Variants in HAUS6 observed in about 807,000 individuals in gnomAD.
The protein encoded by HAUS6 is HAUS augmin like complex subunit 6.
Under a neutral mutation model 106.8 loss-of-function variants are expected in HAUS6, and 80 were observed. The ratio of observed to expected loss-of-function variants is 0.75; its 90% CI spans 0.63 to 0.90. The LOEUF (loss-of-function observed/expected upper bound fraction) is 0.90, where lower values mean the gene tolerates loss of function less well. HAUS6 is among the 40% of genes least tolerant of loss of function. HAUS6 has a pLI of 0.00. For synonymous variants in HAUS6, 356 were observed against 379.1 expected, an observed-to-expected ratio of 0.94 and a Z score of 0.71; for missense variants, 1,155 against 1,118.1, an observed-to-expected ratio of 1.03 and a Z score of -0.47.
intron 7 of HAUS6, among the ~76,000 whole-genome samples, chr9:19,083,577 C>G (rs1837212838): frequency 6.6e-6 from 1 of 151,848 alleles, no homozygotes; most frequent in Admixed American, 6.6e-5. Context: ...CCGAGGCAAG[C>G]AGATCACGAG....
chr9:19,098,998 C>G (rs1588631268), intron 1 of HAUS6, among the ~76,000 whole-genome samples: 1 of 84,634 alleles, frequency 1.2e-5, no homozygotes, highest in South Asian at 3.8e-4. Context: ...GCCTGGGCAA[C>G]AAGAGCAAAA....
rs935619828 is a variant in HAUS6 at position 19,078,122 on chromosome 9, A to T, written c.1191+54T>A. ...CAACAGAGCAAGACACTGTCTCAAA[A>T]AAAAAAAAAAAGGTGGGTGGCGGGG... is the stretch of plus-strand genomic sequence containing the variant. On this transcript the variant is annotated intron_variant, in intron 10 of 16. Transcript: ENST00000380502. 10 of 1,457,102 alleles carry T rather than the reference A, an allele frequency of 6.9e-6. No individual in the cohort carries two copies. In the African/African-American group the frequency reaches 1.4e-4, roughly 21 times the overall value. 90.3% of individuals were successfully genotyped at this position (1,457,102 alleles called of 1,614,324 possible).
intron 10 of HAUS6, among the ~76,000 whole-genome samples, chr9:19,077,826 C>G (rs557772640): frequency 6.6e-5 from 10 of 151,764 alleles, no homozygotes; most frequent in Non-Finnish European, 1.0e-4. Flanking sequence ...TTGGGGAGGC[C>G]GAGGCAGGAA....
intron 11 of HAUS6, among the ~76,000 whole-genome samples, chr9:19,075,970 A>C (rs11795205): frequency 0.037 from 5,588 of 151,668 alleles, 133 homozygotes; most frequent in Non-Finnish European, 0.054. Flanking sequence ...GAAAAAAAAA[A>C]AAAAAAAAAC....
chr9:19,063,746 G>GT (rs1564008452), intron 12 of HAUS6, 166 bp from the exon 13 acceptor site: 1 of 756,776 alleles, frequency 1.3e-6, no homozygotes, highest in Admixed American at 1.7e-5. Flanking sequence ...ATGGTGACAA[G>GT]TAGAGCAGTA....
intron 11 of HAUS6, among the ~76,000 whole-genome samples, chr9:19,072,614 C>T (rs1749158549): frequency 6.6e-6 from 1 of 151,746 alleles, no homozygotes; most frequent in Non-Finnish European, 1.5e-5. Context: ...GTCTGAAAGA[C>T]AAATAAATGT....
intron 12 of HAUS6, among the ~76,000 whole-genome samples, chr9:19,065,509 C>T (rs1352710208): frequency 8.6e-6 from 1 of 116,278 alleles, no homozygotes; most frequent in African/African-American, 4.5e-5. Flanking sequence ...ATACAGACAG[C>T]CAAAAAAAAA....
intron 5 of HAUS6, among the ~76,000 whole-genome samples, chr9:19,088,430 ATAGTAATACAC>A (rs1205185103): frequency 3.3e-5 from 5 of 152,144 alleles, no homozygotes. Context: ...AAAAAAAAAA[ATAGTAATACAC>A]TATGGCAATA....
At chr9:19,066,430 C>A (rs1384729667) in intron 12 of HAUS6, among the ~76,000 whole-genome samples, 1 of 152,058 alleles carries the variant, frequency 6.6e-6, no homozygotes, top group Non-Finnish European at 1.5e-5. Context: ...GACTAGAATT[C>A]AATTTCTAAC....
chr9:19,055,365 G>A lies in HAUS6; in HGVS notation c.*978C>T, dbSNP rs1836446580. On this transcript the variant is annotated 3_prime_UTR_variant, in exon 17 of 17. Coordinates refer to ENST00000380502, the MANE Select transcript of HAUS6 (RefSeq NM_017645.5). ...AAGTCTTTTTCTAGGCAGGGCACCT[G>A]AAGGAGTGAGGCAGGAGACTGCAAG... 1.3e-5 allele frequency: 2 copies of A among 152,244 alleles called. No homozygotes were observed. The highest frequency in any genetic ancestry group is 4.1e-4 in the South Asian group (2 of 4,824). The allele number at this position is 152,244 out of a possible 1,614,324, so 9.4% of individuals were successfully genotyped here.
chr9:19,093,270 C>T lies in HAUS6; in HGVS notation c.337G>A (p.Gly113Ser), dbSNP rs148540806. 1,969 of 1,606,448 alleles carry T rather than the reference C, an allele frequency of 1.2e-3. 18 individuals are homozygous for T. The African/African-American group carries it at 0.024, about 19-fold the overall frequency. Residue 113 changes from glycine to serine, a missense_variant, in exon 4 of 17, where the codon GGT becomes AGT. Coordinates refer to ENST00000380502, the MANE Select transcript of HAUS6 (RefSeq NM_017645.5). ...ECGSSFPQVV[G>S]SLFLSPGGPK... ...CCACCAGGAGAAAGAAATAGTGAAC[C>T]AACAACTTGAGGAAAGCTACTTCCA...
chr9:19,094,349 T>G lies in HAUS6; in HGVS notation c.271A>C (p.Lys91Gln). Residue 91 changes from lysine (K) to glutamine (Q), a missense_variant, in exon 3 of 17, where the codon AAA becomes CAA. This residue lies in a region of HAUS6 where 761 missense variants were observed against 690.0 expected (regional missense o/e 1.10). Coordinates refer to ENST00000380502, the MANE Select transcript of HAUS6 (RefSeq NM_017645.5). ...FDQKSDTEFRKHCCEWIKRIS... is the reference protein window; with the variant it reads ...FDQKSDTEFRQHCCEWIKRIS... ...CTTTTTATCCATTCACAGCAATGTTTTCGGAATTCAGTGTCACTTTTTTGG... is the reference window on the plus strand; with the variant it reads ...CTTTTTATCCATTCACAGCAATGTTGTCGGAATTCAGTGTCACTTTTTTGG... The G allele has an allele frequency of 6.2e-7, 1 of 1,607,778 alleles. No individual in the cohort carries two copies. The highest frequency in any genetic ancestry group is 8.5e-7 in the Non-Finnish European group (1 of 1,175,438).
intron 7 of HAUS6, among the ~76,000 whole-genome samples, chr9:19,083,848 C>A (rs192175146): frequency 1.3e-5 from 2 of 150,936 alleles, no homozygotes; most frequent in East Asian, 3.9e-4. Flanking sequence ...ACTACTACAT[C>A]TCAATTTTAA....
At chr9:19,061,953 CAA>C (rs1166974037) in intron 14 of HAUS6, among the ~76,000 whole-genome samples, 2 of 152,142 alleles carry the variant, frequency 1.3e-5, no homozygotes, top group Non-Finnish European at 2.9e-5. Flanking sequence ...TCTGCTAAAC[CAA>C]ATTTTTCTTT....
chr9:19,080,461 C>G lies in HAUS6; in HGVS notation c.1064+18G>C, dbSNP rs376824060. The G allele has an allele frequency of 6.5e-7, 1 of 1,544,050 alleles. No individual in the cohort carries two copies. Among genetic ancestry groups the G allele is most frequent in the Non-Finnish European group, 8.9e-7 (1 of 1,119,122 alleles). ...CCCTACTCCTCCCACAGTAAAATAA[C>G]AGATCTTTTTAGTGTACCTCATATG... On this transcript the variant is annotated intron_variant, in intron 9 of 16. Coordinates refer to ENST00000380502, the MANE Select transcript of HAUS6 (RefSeq NM_017645.5).
chr9:19,082,401 T>A (rs1266169921), intron 8 of HAUS6, among the ~76,000 whole-genome samples: 3 of 151,712 alleles, frequency 2.0e-5, no homozygotes, highest in Admixed American at 2.0e-4. Flanking sequence ...AATATAAATA[T>A]ACACACCTTT....
chr9:19,070,934 A>C (rs544175886), intron 11 of HAUS6, among the ~76,000 whole-genome samples: 1 of 152,248 alleles, frequency 6.6e-6, no homozygotes, highest in Non-Finnish European at 1.5e-5. Context: ...AGAACGAGGT[A>C]CAAGTTGCTA....
At chr9:19,090,612 C>G (rs757100952) in intron 4 of HAUS6, among the ~76,000 whole-genome samples, 3 of 152,220 alleles carry the variant, frequency 2.0e-5, no homozygotes, top group Non-Finnish European at 2.9e-5. Flanking sequence ...ATCCGCCCGC[C>G]CTGACCTCCC....
chr9:19,096,840 G>T (rs1817875684), intron 1 of HAUS6, 71 bp from the exon 2 acceptor site: 3 of 670,812 alleles, frequency 4.5e-6, no homozygotes, highest in East Asian at 3.0e-5. Context: ...CAAAAGCTGA[G>T]TAAGACTTTG....
Sources: gnomAD v4.1 joint callset for allele counts (sites outside exome capture counted in the v4.1 genomes callset) on GRCh38, gnomAD v4.1.1 for gene constraint, gnomAD v4.1.1 regional missense constraint, MANE v1.5 for transcripts, NCBI Gene and HGNC (gene_info 2026-07-23, HGNC 2026-07-21) for gene names.